IL9R: variants seen among roughly 807,000 people sequenced by gnomAD.
IL9R encodes interleukin 9 receptor, also known as interleukin-9 receptor.
IL9R carries 54 observed loss-of-function variants against 56.3 expected under a neutral mutation model. The observed-to-expected ratio is 0.96, with a 90% confidence interval of 0.77 to 1.20. IL9R has a LOEUF of 1.20. Ranked by LOEUF, IL9R falls within the 50% of genes most tolerant of loss-of-function variation. IL9R has a pLI of 0.00. For synonymous variants in IL9R, 212 were observed against 250.2 expected, an observed-to-expected ratio of 0.85 and a Z score of 1.44; for missense variants, 545 against 629.8, an observed-to-expected ratio of 0.87 and a Z score of 1.44.
chrX:155,997,876 C>T lies in IL9R; in HGVS notation c.28+89C>T, dbSNP rs1472480403. Reference sequence around the variant, plus strand: ...GACATGTGGCCCTCCAACTCGGGGCCCAGGGAGCCACTGTGGCATTTGAGA... The same window carrying T: ...GACATGTGGCCCTCCAACTCGGGGCTCAGGGAGCCACTGTGGCATTTGAGA... On this transcript the variant is annotated intron_variant, in intron 1 of 8. Transcript: ENST00000244174. 1.1e-5 allele frequency: 14 copies of T among 1,251,922 alleles called. No individual in the cohort carries two copies. In the Admixed American group the frequency reaches 2.1e-4, roughly 19 times the overall value. The allele number at this position is 1,251,922 out of a possible 1,614,324, so 77.6% of individuals were successfully genotyped here. A position where few individuals can be genotyped will look rare whatever the true frequency, so the allele number is the denominator to read the frequency against.
intron 4 of IL9R, 124 bp downstream of exon 4, chrX:156,003,979 T>A: frequency 9.7e-7 from 1 of 1,031,712 alleles, no homozygotes; most frequent in Non-Finnish European, 1.4e-6. Context: ...CCCAGCCGAG[T>A]GAGATCCAGG....
At position 155,997,713 on chromosome X, in the gene IL9R, A is replaced by G; in HGVS notation, c.-47A>G. ...GGGTCTTTGCTGTGCACCCAGAGAT[A>G]GTTGGGTGACAAATCACCTCCAGGT... On this transcript the variant is annotated 5_prime_UTR_variant, in exon 1 of 9. The change creates a new upstream start codon in the 5' untranslated region. Coordinates refer to ENST00000244174, the MANE Select transcript of IL9R (RefSeq NM_002186.3). 1 of 1,595,016 alleles carries G rather than the reference A, an allele frequency of 6.3e-7. No individual in the cohort carries two copies. The highest frequency in any genetic ancestry group is 8.6e-7 in the Non-Finnish European group (1 of 1,162,572).
chrX:156,005,009 A>C (rs914698834), intron 5 of IL9R, among the ~76,000 whole-genome samples: 1 of 152,072 alleles, frequency 6.6e-6, no homozygotes, highest in African/African-American at 2.4e-5. Flanking sequence ...ATGAGTGTGC[A>C]TGCAAGTGTG....
chrX:156,009,429 TTGTG>T (rs754546109), intron 8 of IL9R, among the ~76,000 whole-genome samples: 23 of 134,094 alleles, frequency 1.7e-4, no homozygotes, highest in African/African-American at 4.5e-4. Flanking sequence ...TTGTGTATGT[TTGTG>T]TGTGTGTGTG....
At chrX:156,004,313 C>T in intron 4 of IL9R, 107 bp from the exon 5 acceptor site, 1 of 1,172,218 alleles carries the variant, frequency 8.5e-7, no homozygotes, top group Non-Finnish European at 1.2e-6. Flanking sequence ...TCTGAGAGGG[C>T]CTTGACCATT....
intron 1 of IL9R, chrX:156,001,390 C>T: frequency 3.9e-6 from 6 of 1,552,996 alleles, no homozygotes; most frequent in Non-Finnish European, 5.3e-6. Flanking sequence ...ACTGCCTTCC[C>T]CATTCCCACC....
intron 1 of IL9R, among the ~76,000 whole-genome samples, chrX:155,998,747 G>T (rs3093461): frequency 6.6e-6 from 1 of 151,594 alleles, no homozygotes; most frequent in South Asian, 2.1e-4. Context: ...TTTATCAAAC[G>T]GTTGAGTTGG....
chrX:155,998,471 C>T (rs1406696904), intron 1 of IL9R, among the ~76,000 whole-genome samples: 2 of 152,150 alleles, frequency 1.3e-5, no homozygotes, highest in Non-Finnish European at 2.9e-5. Context: ...TCTCCCCTCC[C>T]TGCCCCCATT....
chrX:156,000,145 A>AAAAAAAT (rs780163667), intron 1 of IL9R, among the ~76,000 whole-genome samples: 2 of 144,276 alleles, frequency 1.4e-5, no homozygotes, highest in Middle Eastern at 7.1e-3. Context: ...AAAAAAAAAA[A>AAAAAAAT]ATATATATAT....
Position 156,004,424 on chromosome X carries a change from G to A in IL9R, c.438G>A (p.Lys146=), listed in dbSNP as rs766419152. ...DPEYLPRRHV[K]LDPPSDLQSN... is the part of the protein sequence containing the mutation. Reference sequence around the variant, plus strand: ...CATGGATTCACTCTGTTCCAGTTAAGCTGGACCCGCCCTCTGACTTGCAGA... The same window carrying A: ...CATGGATTCACTCTGTTCCAGTTAAACTGGACCCGCCCTCTGACTTGCAGA... The change falls in exon 5 of 9, where the codon AAG becomes AAA. Residue 146 remains lysine (K), a synonymous_variant. Coordinates refer to ENST00000244174, the MANE Select transcript of IL9R (RefSeq NM_002186.3). 9.3e-6 allele frequency: 15 copies of A among 1,613,786 alleles called. No homozygotes were observed. The South Asian group carries it at 1.6e-4, about 18-fold the overall frequency.
intron 5 of IL9R, 127 bp from the exon 6 acceptor site, chrX:156,005,147 AGTGT>A (rs1288533978): frequency 9.8e-6 from 7 of 711,648 alleles, no homozygotes; most frequent in African/African-American, 7.0e-5. Flanking sequence ...GAATGTGGTG[AGTGT>A]GTCTGTGTGT....
At chrX:156,008,933 TTGTGTGTGTATGTC>T (rs1244352756) in intron 8 of IL9R, among the ~76,000 whole-genome samples, 1 of 114,190 alleles carries the variant, frequency 8.8e-6, no homozygotes, top group Non-Finnish European at 1.8e-5. Context: ...GTGTGTGTGT[TTGTGTGTGTATGTC>T]TGTGTGTGTG....
intron 1 of IL9R, among the ~76,000 whole-genome samples, chrX:155,998,715 G>T (rs759130486): frequency 1.3e-5 from 2 of 152,042 alleles, no homozygotes; most frequent in Non-Finnish European, 2.9e-5. Flanking sequence ...GCCTCTGCAG[G>T]TGGGGCGGGG....
Position 156,003,832 on chromosome X carries a change from C to T in IL9R, c.410C>T (p.Pro137Leu), listed in dbSNP as rs764407921. ...AGGGAGCAGGTCAGCCTGGTGGACC[C>T]GGAGTACCTGCCCCGGAGACACGGT... ...SGREQVSLVD[P>L]EYLPRRHVKL... The change falls in exon 4 of 9, where the codon CCG (proline) becomes CTG (leucine). Residue 137 changes from proline (P) to leucine (L), a missense_variant. Around this residue, in one of 2 missense-constraint regions of IL9R, gnomAD observed 431 missense variants for 360.0 expected, o/e 1.20. Coordinates refer to ENST00000244174, the MANE Select transcript of IL9R (RefSeq NM_002186.3). 5.5e-5 allele frequency: 88 copies of T among 1,613,830 alleles called. No individual in the cohort carries two copies. Among genetic ancestry groups the T allele is most frequent in the East Asian group, 1.6e-4 (7 of 44,888 alleles).
At chrX:156,004,810 G>C (rs2067803043) in intron 5 of IL9R, among the ~76,000 whole-genome samples, 1 of 152,118 alleles carries the variant, frequency 6.6e-6, no homozygotes, top group Non-Finnish European at 1.5e-5. Flanking sequence ...GTGCATGTAT[G>C]TGTTTATGTG....
intron 1 of IL9R, chrX:156,001,643 G>T (rs1274880412): frequency 2.8e-5 from 4 of 141,870 alleles, no homozygotes; most frequent in African/African-American, 2.5e-4. Flanking sequence ...AAGGCTGTAA[G>T]TCTGTGTGCG....
At chrX:156,001,148 C>T (rs2067493648) in intron 1 of IL9R, among the ~76,000 whole-genome samples, 2 of 152,176 alleles carry the variant, frequency 1.3e-5, no homozygotes, top group Admixed American at 6.5e-5. Flanking sequence ...AGAAACGAGG[C>T]CTGCTGAGCT....
At chrX:156,009,233 GT>G (rs1435242712) in intron 8 of IL9R, among the ~76,000 whole-genome samples, 1 of 914 alleles carries the variant, frequency 1.1e-3, no homozygotes, top group East Asian at 0.036. Context: ...GTCTGTGTGT[GT>G]TCGTGTGGTG....
chrX:156,010,466 G>T lies in IL9R; in HGVS notation c.*57G>T, dbSNP rs902074024. 4 of 420,214 alleles carry T rather than the reference G, an allele frequency of 9.5e-6. No individual in the cohort carries two copies. The highest frequency in any genetic ancestry group is 1.5e-5 in the Non-Finnish European group (4 of 264,484). 26.0% of individuals were successfully genotyped at this position (420,214 alleles called of 1,614,324 possible). A position where few individuals can be genotyped will look rare whatever the true frequency, so the allele number is the denominator to read the frequency against. On this transcript the variant is annotated 3_prime_UTR_variant, in exon 9 of 9. Transcript: ENST00000244174. ...TTTGGGAAAATGGACTGAAGTTTCT[G>T]GAGCCCTTGTCTGAGACTGAACCTC... is the stretch of plus-strand genomic sequence containing the variant.
Sources: allele counts gnomAD v4.1 joint callset (sites outside exome capture counted in the v4.1 genomes callset), GRCh38; gene constraint gnomAD v4.1.1; regional missense constraint gnomAD v4.1.1; transcripts MANE v1.5; gene names NCBI Gene and HGNC (gene_info 2026-07-23, HGNC 2026-07-21).